The following PLXNA3 variants were observed in gnomAD, a reference collection of about 807,000 sequenced individuals.
PLXNA3 encodes plexin-A3.
PLXNA3 carries 52 observed loss-of-function variants against 118.8 expected under a neutral mutation model. The observed-to-expected ratio is 0.44, with a 90% CI of 0.35 to 0.55. The LOEUF is 0.55. Among genes scored for constraint, PLXNA3 ranks in the 20% least tolerant of loss-of-function variants. PLXNA3 has a pLI of 0.01. For missense variants in PLXNA3, 1,660 were observed against 1,730.8 expected (o/e 0.96, Z 0.73); for synonymous variants, 925 against 762.4 (o/e 1.21, Z -3.51).
At position 154,467,826 on chromosome X, in the gene PLXNA3, G is replaced by C. The variant is rs782182359; in HGVS notation, c.3645G>C (p.Ala1215=). The change falls in exon 21 of 33, where the codon GCG becomes GCC. Residue 1215 remains alanine, a synonymous_variant. Transcript: ENST00000369682. ...CCCTGCACATCTCGGCAGAGCGGGC[G>C]CTGACCCTACCGGCCATGATGGGGC... is the stretch of plus-strand genomic sequence containing the variant. ...LGTLHISAER[A]LTLPAMMGLA... is the part of the protein sequence containing the mutation. 1 of 1,205,670 alleles carries C rather than the reference G, an allele frequency of 8.3e-7. No individual in the cohort carries two copies. The highest frequency in any genetic ancestry group is 2.2e-5 in the Admixed American group (1 of 46,037).
chrX:154,464,917 G>A (rs1557206422), intron 10 of PLXNA3, 49 bp downstream of exon 10: 1 of 1,080,036 alleles, frequency 9.3e-7, no homozygotes. Flanking sequence ...GTGCGGGCGG[G>A]GCCACCGGCT....
rs2069246005 is a variant in PLXNA3 at position 154,477,710 on chromosome X, C to A, written c.*5025C>A. The A allele has an allele frequency of 6.7e-6, 2 of 298,143 alleles. No individual in the cohort carries two copies. The highest frequency in any genetic ancestry group is 2.9e-5 in the African/African-American group (1 of 34,226). 24.6% of individuals were successfully genotyped at this position (298,143 alleles called of 1,213,427 possible). On this transcript the variant is annotated 3_prime_UTR_variant, in exon 33 of 33. Transcript: ENST00000369682. ...TATCTGAATTCTAGAACCCCCCCCCCAGCAACCCAAGCACAACAAGAATAT... is the reference window on the plus strand; with the variant it reads ...TATCTGAATTCTAGAACCCCCCCCCAAGCAACCCAAGCACAACAAGAATAT...
rs782475625 is a variant in PLXNA3 at position 154,463,379 on chromosome X, C to A, written c.1318-12C>A. The A allele has an allele frequency of 8.3e-7, 1 of 1,210,755 alleles. No individual in the cohort carries two copies. The highest frequency in any genetic ancestry group is 1.8e-5 in the South Asian group (1 of 56,936). ...GAGGCTGTGGTGGCATCAGGCTGGT[C>A]TTGTGGCTCAGGTGCGGGTCGATGG... On this transcript the variant is annotated splice_polypyrimidine_tract_variant and intron_variant, in intron 4 of 32. Coordinates refer to ENST00000369682, the MANE Select transcript of PLXNA3 (RefSeq NM_017514.5).
intron 4 of PLXNA3, among the ~76,000 whole-genome samples, chrX:154,462,833 G>A (rs1367288531): frequency 9.1e-6 from 1 of 109,633 alleles, no homozygotes; most frequent in Non-Finnish European, 1.9e-5. Flanking sequence ...TGGGCACTCA[G>A]GTACGTGTTG....
In PLXNA3 at chrX:154,468,978, A is replaced by G; in HGVS notation, c.4434+9A>G. 8.3e-7 allele frequency: 1 copy of G among 1,211,288 alleles called. No homozygotes were observed. Among genetic ancestry groups the G allele is most frequent in the Non-Finnish European group, 1.1e-6 (1 of 895,141 alleles). ...TCGACTACAAGACACTGGTGAGCGC[A>G]GGGCCAGGCGGGCCAGAGGTAGGGG... On this transcript the variant is annotated intron_variant, in intron 25 of 32. Transcript: ENST00000369682.
rs782600322 is a variant in PLXNA3 at position 154,475,878 on chromosome X, C to T, written c.*3193C>T. On this transcript the variant is annotated 3_prime_UTR_variant, in exon 33 of 33. Transcript: ENST00000369682. The stretch of plus-strand genomic sequence containing the variant: ...GAGAGGAAGAGGAAGGGAAACAGAG[C>T]TAAATTGGGGCCAGGTGTGGTGGCT... The T allele has an allele frequency of 8.9e-6, 1 of 112,360 alleles. No individual in the cohort carries two copies. Among genetic ancestry groups the T allele is most frequent in the Non-Finnish European group, 1.9e-5 (1 of 53,228 alleles). 9.3% of individuals were successfully genotyped at this position (112,360 alleles called of 1,213,427 possible). A position where few individuals can be genotyped will look rare whatever the true frequency, so the allele number is the denominator to read the frequency against.
rs782084551 is a variant in PLXNA3 at position 154,467,673 on chromosome X, C to G, written c.3570C>G (p.Gly1190=). 4.1e-6 allele frequency: 5 copies of G among 1,209,572 alleles called. No individual in the cohort carries two copies. Among genetic ancestry groups the G allele is most frequent in the Non-Finnish European group, 3.4e-6 (3 of 895,018 alleles). Residue 1190 remains glycine (G), a synonymous_variant, in exon 20 of 33, where the codon GGC becomes GGG. Coordinates refer to ENST00000369682, the MANE Select transcript of PLXNA3 (RefSeq NM_017514.5). Reference sequence around the variant, plus strand: ...TGTGCGACTCACCCAGCCAGACTGGCCGGCAGCCTGTCATGGTAGGTGGGG... The same window carrying G: ...TGTGCGACTCACCCAGCCAGACTGGGCGGCAGCCTGTCATGGTAGGTGGGG... The part of the protein sequence containing the change: ...QLLCDSPSQT[G]RQPVMVLVGG...
intron 30 of PLXNA3, 87 bp from the exon 31 acceptor site, chrX:154,471,018 G>T: frequency 1.3e-6 from 1 of 746,386 alleles, no homozygotes; most frequent in South Asian, 2.3e-5. Context: ...ATGTGAGCCG[G>T]CCCGACAGGA....
Position 154,464,454 on chromosome X carries a change from G to T in PLXNA3, c.1881G>T (p.Arg627Ser). ...LQLLSKETGV[R>S]FAGADFVFYN... ...TTCTCTCCAAGGAGACAGGCGTGAGGTTTGCCGGTGCTGACTTTGTCTTCT... is the reference window on the plus strand; with the variant it reads ...TTCTCTCCAAGGAGACAGGCGTGAGTTTTGCCGGTGCTGACTTTGTCTTCT... Residue 627 changes from arginine to serine, a missense_variant, in exon 9 of 33, where the codon AGG becomes AGT. Coordinates refer to ENST00000369682, the MANE Select transcript of PLXNA3 (RefSeq NM_017514.5). The T allele has an allele frequency of 8.3e-7, 1 of 1,211,285 alleles. No individual in the cohort carries two copies.
intron 32 of PLXNA3, among the ~76,000 whole-genome samples, chrX:154,471,932 A>G (rs781811221): frequency 8.9e-6 from 1 of 112,705 alleles, no homozygotes; most frequent in African/African-American, 3.2e-5. Context: ...GCAGGAGGAC[A>G]TAGAGGTGTG....
intron 7 of PLXNA3, 29 bp from the exon 8 acceptor site, chrX:154,464,128 C>T: frequency 8.3e-7 from 1 of 1,208,219 alleles, no homozygotes; most frequent in Non-Finnish European, 1.1e-6. Flanking sequence ...TGGGAGTCCG[C>T]CCTGCCCTGA....
In PLXNA3 at chrX:154,462,108, T is replaced by C; in HGVS notation, c.1135-20T>C. The C allele has an allele frequency of 1.7e-6, 2 of 1,162,306 alleles. No homozygotes were observed. The highest frequency in any genetic ancestry group is 2.3e-6 in the Non-Finnish European group (2 of 868,064). ...GCCTGGGAGCTTTGACTCTCACGGG[T>C]TCCTCCTCTGTTTCACCAGCCCATG... On this transcript the variant is annotated intron_variant, in intron 3 of 32. Coordinates refer to ENST00000369682, the MANE Select transcript of PLXNA3 (RefSeq NM_017514.5).
rs1425562223 is a variant in PLXNA3 at position 154,476,763 on chromosome X, T to C, written c.*4078T>C. On this transcript the variant is annotated 3_prime_UTR_variant, in exon 33 of 33. Coordinates refer to ENST00000369682, the MANE Select transcript of PLXNA3 (RefSeq NM_017514.5). ...TATTAAAAAACTGGCTGTGGGCCAG[T>C]GAGGGACAGCGACGTGTGGGAGCTG... 9.0e-6 allele frequency: 1 copy of C among 111,531 alleles called. No individual in the cohort carries two copies. Among genetic ancestry groups the C allele is most frequent in the African/African-American group, 3.3e-5 (1 of 30,616 alleles). The allele number at this position is 111,531 out of a possible 1,213,427, so 9.2% of individuals were successfully genotyped here.
Position 154,469,794 on chromosome X carries a change from C to T in PLXNA3, c.4795+10C>T, listed in dbSNP as rs1557208741. On this transcript the variant is annotated intron_variant, in intron 28 of 32. Transcript: ENST00000369682. ...TCCCTCAGCCGCTACGGTAGGTGTC[C>T]TCAGTGTGGTGGCCATGTGCCCTTC... The T allele has an allele frequency of 2.0e-5, 24 of 1,190,983 alleles. No homozygotes were observed. Among genetic ancestry groups the T allele is most frequent in the Non-Finnish European group, 2.7e-5 (24 of 876,246 alleles).
At chrX:154,463,562 G>GGGGGGGGGGGGGGC in intron 5 of PLXNA3, 28 bp from the exon 6 acceptor site, 1 of 1,156,472 alleles carries the variant, frequency 8.6e-7, no homozygotes, top group Non-Finnish European at 1.2e-6. Flanking sequence ...GGCGGGGGTG[G>GGGGGGGGGGGGGGC]GCTGGGTGCT....
chrX:154,463,830 T>G, intron 6 of PLXNA3, 121 bp from the exon 7 acceptor site: 1 of 1,004,229 alleles, frequency 1.0e-6, no homozygotes, highest in Non-Finnish European at 1.3e-6. Flanking sequence ...CCACCCCGAG[T>G]GACGTCCCTC....
At position 154,468,078 on chromosome X, in the gene PLXNA3, C is replaced by T. The variant is rs368742976; in HGVS notation, c.3821-4C>T. On this transcript the variant is annotated splice_region_variant and splice_polypyrimidine_tract_variant and intron_variant, in intron 21 of 32. Transcript: ENST00000369682. The stretch of plus-strand genomic sequence containing the variant: ...CCCACTCATTCCCTCTCTCCACCCC[C>T]CAGCTTTTGCAGAGCTGCAGACGGA... The T allele has an allele frequency of 7.6e-6, 9 of 1,190,937 alleles. No individual in the cohort carries two copies. In the African/African-American group the frequency reaches 1.2e-4, roughly 16 times the overall value.
chrX:154,468,774 G>A (rs199792149), intron 24 of PLXNA3, 45 bp downstream of exon 24: 15 of 1,209,401 alleles, frequency 1.2e-5, no homozygotes, highest in African/African-American at 5.2e-5. Flanking sequence ...GCAGAGGACC[G>A]GCCAGTGGTC....
rs1557208737 is a variant in PLXNA3, at chrX:154,469,784, G to A, written c.4795G>A (p.Glu1599Lys). The A allele has an allele frequency of 7.5e-6, 9 of 1,201,155 alleles. No homozygotes were observed. The highest frequency in any genetic ancestry group is 2.3e-4 in the Middle Eastern group (1 of 4,327). The change falls in exon 28 of 33, where the codon GAG becomes AAG. Residue 1599 changes from glutamate to lysine, a missense_variant and splice_region_variant. Around this residue, in one of 2 missense-constraint regions of PLXNA3, gnomAD observed 869 missense variants for 1,078.7 expected, o/e 0.81. Transcript: ENST00000369682. Reference sequence around the variant, plus strand: ...CTTCACCCGCTCCCTCAGCCGCTACGGTAGGTGTCCTCAGTGTGGTGGCCA... The same window carrying A: ...CTTCACCCGCTCCCTCAGCCGCTACAGTAGGTGTCCTCAGTGTGGTGGCCA... Reference protein sequence around the residue: ...FTFTRSLSRYESLLRTASSPD... With the variant: ...FTFTRSLSRYKSLLRTASSPD...
Sources: gnomAD v4.1 joint callset for allele counts (sites outside exome capture counted in the v4.1 genomes callset) on GRCh38, gnomAD v4.1.1 for gene constraint, gnomAD v4.1.1 regional missense constraint, MANE v1.5 for transcripts, NCBI Gene and HGNC (gene_info 2026-07-23, HGNC 2026-07-21) for gene names.